Variants in SLC28A1 observed in about 807,000 individuals in gnomAD.
SLC28A1 encodes sodium/nucleoside cotransporter 1.
A neutral mutation model predicts 74.8 loss-of-function variants in SLC28A1; 64 were observed. The observed-to-expected ratio is 0.86, with a 90% CI of 0.70 to 1.05. SLC28A1 has a LOEUF of 1.05. SLC28A1 is among the 50% of genes least tolerant of loss of function. The pLI is 0.00. For missense variants in SLC28A1, 828 were observed against 822.8 expected (o/e 1.01, Z -0.08); for synonymous variants, 359 against 335.0 (o/e 1.07, Z -0.78).
At chr15:84,948,123 A>G (rs370971564), downstream of SLC28A1, among the ~76,000 whole-genome samples, 9 of 152,234 alleles carry the variant, frequency 5.9e-5, no homozygotes, top group East Asian at 1.2e-3. Context: ...AATGGGCTAC[A>G]TTGACCCCCC....
At chr15:84,888,744 C>T (rs778192647) in intron 3 of SLC28A1, 28 bp from the exon 4 acceptor site, 21 of 1,522,916 alleles carry the variant, frequency 1.4e-5, no homozygotes, top group South Asian at 3.6e-5. Flanking sequence ...AGGGGCAGGC[C>T]GACCTGACGG....
At chr15:84,958,235 T>C in the SLC28A1 span, among the ~76,000 whole-genome samples, 1 of 152,206 alleles carries the variant, frequency 6.6e-6, no homozygotes, top group Non-Finnish European at 1.5e-5. Flanking sequence ...ATTCCCTCTT[T>C]TCCCGAGATG....
intron 15 of SLC28A1, chr15:84,938,607 G>A (rs1972246637): frequency 6.6e-6 from 1 of 152,088 alleles, no homozygotes; most frequent in Non-Finnish European, 1.5e-5. Flanking sequence ...GCTAGGCACT[G>A]GGGATAAAAA....
At chr15:84,887,648 T>TC in intron 2 of SLC28A1, 97 bp from the exon 3 acceptor site, 1 of 1,557,512 alleles carries the variant, frequency 6.4e-7, no homozygotes, top group South Asian at 1.2e-5. Context: ...AGGCATCTGC[T>TC]CCCCCCACTC....
In SLC28A1 at chr15:84,887,873, A is replaced by G. The variant is rs1477304227; in HGVS notation, c.96+17A>G. 3.2e-6 allele frequency: 5 copies of G among 1,579,514 alleles called. No homozygotes were observed. The highest frequency in any genetic ancestry group is 3.3e-5 in the Admixed American group (2 of 59,930). On this transcript the variant is annotated intron_variant, in intron 3 of 18. Coordinates refer to ENST00000394573, the MANE Select transcript of SLC28A1 (RefSeq NM_004213.5). ...GAAAGCCTGGTCTGTACCCTTCCCC[A>G]TCAGTCATCCTGACCCCTCAGCCTC...
At chr15:84,971,246 G>A in the SLC28A1 span, among the ~76,000 whole-genome samples, 1 of 152,188 alleles carries the variant, frequency 6.6e-6, no homozygotes, top group Admixed American at 6.5e-5. Flanking sequence ...GAAAGGGCTA[G>A]AGAACAAAAA....
intron 9 of SLC28A1, among the ~76,000 whole-genome samples, chr15:84,917,629 C>T (rs1019824908): frequency 1.3e-5 from 2 of 152,102 alleles, no homozygotes; most frequent in Non-Finnish European, 2.9e-5. Context: ...TCTTGTGGTA[C>T]ACCTTCTCTT....
rs987824259 is a variant in SLC28A1 at position 84,938,269 on chromosome 15, C to T, written c.1581+2751C>T. 25 of 151,380 alleles carry T rather than the reference C, an allele frequency of 1.7e-4. 1 individual carries two copies. The highest frequency in any genetic ancestry group is 6.1e-4 in the African/African-American group (25 of 41,230). 9.4% of individuals were successfully genotyped at this position (151,380 alleles called of 1,614,324 possible). A position where few individuals can be genotyped will look rare whatever the true frequency, so the allele number is the denominator to read the frequency against. ...TTCCCCTCACTGCTTACTGTCACCT[C>T]TGGTCTCACCCCCTCCTCAGAGATT... On this transcript the variant is annotated intron_variant, in intron 15 of 18. Coordinates refer to ENST00000394573, the MANE Select transcript of SLC28A1 (RefSeq NM_004213.5).
chr15:84,886,425 G>A (rs1883349270), intron 1 of SLC28A1: 1 of 985,452 alleles, frequency 1.0e-6, no homozygotes, highest in Non-Finnish European at 1.2e-6. Context: ...CCTGGAAGAA[G>A]CGGCCCTAAT....
intron 6 of SLC28A1, chr15:84,895,733 C>G: frequency 7.8e-7 from 1 of 1,275,052 alleles, no homozygotes; most frequent in Non-Finnish European, 9.9e-7. Context: ...AGCCAAGGTT[C>G]ACACAAAAAA....
chr15:84,899,326 G>T (rs1966348174), intron 6 of SLC28A1, among the ~76,000 whole-genome samples: 1 of 151,944 alleles, frequency 6.6e-6, no homozygotes, highest in East Asian at 1.9e-4. Context: ...GAAGTCTCCA[G>T]AGGAGAAGGA....
At chr15:84,906,651 TTTC>T (rs1967295296) in intron 8 of SLC28A1, among the ~76,000 whole-genome samples, 2 of 149,656 alleles carry the variant, frequency 1.3e-5, no homozygotes, top group African/African-American at 4.9e-5. Context: ...CCTTCCTTCC[TTTC>T]TTTTTTTTTT....
chr15:84,941,506 G>C (rs1178070620), intron 15 of SLC28A1, among the ~76,000 whole-genome samples: 2 of 151,924 alleles, frequency 1.3e-5, no homozygotes, highest in Non-Finnish European at 2.9e-5. Flanking sequence ...CACCCGGCCG[G>C]GATTTGTTTT....
downstream of SLC28A1, among the ~76,000 whole-genome samples, chr15:84,946,112 A>ATATATATATATATATATATTTATTTT (rs57190791): frequency 7.4e-5 from 1 of 13,482 alleles, no homozygotes; most frequent in Non-Finnish European, 1.2e-4. Flanking sequence ...ATATATATAT[A>ATATATATATATATATATATTTATTTT]TTTTTTTTTT....
the SLC28A1 span, among the ~76,000 whole-genome samples, chr15:84,971,099 A>G: frequency 6.6e-6 from 1 of 152,344 alleles, no homozygotes; most frequent in African/African-American, 2.4e-5. Flanking sequence ...TGGCAGTGAT[A>G]CCATCTGCAA....
chr15:84,946,112 A>ATTTATATTTTTT (rs2079217610), downstream of SLC28A1, among the ~76,000 whole-genome samples: 1 of 13,482 alleles, frequency 7.4e-5, no homozygotes, highest in East Asian at 5.2e-3. Flanking sequence ...ATATATATAT[A>ATTTATATTTTTT]TTTTTTTTTT....
intron 5 of SLC28A1, among the ~76,000 whole-genome samples, chr15:84,892,312 G>T (rs1180932377): frequency 1.3e-5 from 2 of 152,218 alleles, no homozygotes; most frequent in African/African-American, 4.8e-5. Flanking sequence ...GACCTGGTCT[G>T]CTTGGTGAAC....
Position 84,935,501 on chromosome 15 carries a change from A to C in SLC28A1, c.1564A>C (p.Arg522=). ...LAGAEEWVGD[R]KQWISVRAEV... is the part of the protein sequence containing the mutation. ...AGGGGCCGAGGAGTGGGTCGGCGAC[A>C]GGAAGCAGTGGATCTCCGTGAGTGT... The change falls in exon 15 of 19, where the codon AGG becomes CGG. Residue 522 remains arginine (R), a synonymous_variant. Coordinates refer to ENST00000394573, the MANE Select transcript of SLC28A1 (RefSeq NM_004213.5). 1 of 1,613,568 alleles carries C rather than the reference A, an allele frequency of 6.2e-7. No homozygotes were observed. The highest frequency in any genetic ancestry group is 8.5e-7 in the Non-Finnish European group (1 of 1,179,914).
In SLC28A1 at chr15:84,887,654, C is replaced by T. The variant is rs113877591; in HGVS notation, c.-16-91C>T. On this transcript the variant is annotated intron_variant, in intron 2 of 18. Transcript: ENST00000394573. Reference sequence around the variant, plus strand: ...GGCTGTGCCAGGCATCTGCTCCCCCCACTCAGTCCTCTCCCCTTTCCCCGG... The same window carrying T: ...GGCTGTGCCAGGCATCTGCTCCCCCTACTCAGTCCTCTCCCCTTTCCCCGG... 9.0e-6 allele frequency: 14 copies of T among 1,561,598 alleles called. No individual in the cohort carries two copies. In the African/African-American group the frequency reaches 1.4e-4, roughly 15 times the overall value.
Sources: gnomAD v4.1 joint callset for allele counts (sites outside exome capture counted in the v4.1 genomes callset) on GRCh38, gnomAD v4.1.1 for gene constraint, MANE v1.5 for transcripts, NCBI Gene and HGNC (gene_info 2026-07-23, HGNC 2026-07-21) for gene names.